PTPRT: variants seen among roughly 807,000 people sequenced by gnomAD.
The protein encoded by PTPRT is protein tyrosine phosphatase receptor type T, also known as receptor-type tyrosine-protein phosphatase T.
Under a neutral mutation model 176.8 loss-of-function variants are expected in PTPRT, and 56 were observed. The observed-to-expected ratio is 0.32, with a 90% CI of 0.26 to 0.40. PTPRT has a LOEUF of 0.40. PTPRT is among the 10% of genes least tolerant of loss of function. PTPRT has a pLI of 1.00. For missense variants in PTPRT, 1,540 were observed against 1,908.2 expected (o/e 0.81, Z 3.60); for synonymous variants, 783 against 739.0 (o/e 1.06, Z -0.96).
chr20:43,125,289 C>T (rs891689131), intron 1 of PTPRT, among the ~76,000 whole-genome samples: 1 of 152,022 alleles, frequency 6.6e-6, no homozygotes, highest in Non-Finnish European at 1.5e-5. Flanking sequence ...TGTCAGCCAC[C>T]GTGCTGGGCC....
chr20:42,638,280 T>C (rs987548397), intron 7 of PTPRT, among the ~76,000 whole-genome samples: 2 of 152,126 alleles, frequency 1.3e-5, no homozygotes, highest in African/African-American at 4.8e-5. Flanking sequence ...TGGGATAGAC[T>C]GGGAAGCTTA....
intron 15 of PTPRT, among the ~76,000 whole-genome samples, chr20:42,223,007 T>C (rs1483234067): frequency 1.3e-5 from 2 of 152,118 alleles, no homozygotes; most frequent in Non-Finnish European, 2.9e-5. Context: ...CCAGCTGGTG[T>C]CCGCTGCTTG....
chr20:42,467,429 G>A (rs113292670), intron 8 of PTPRT, among the ~76,000 whole-genome samples: 13 of 152,056 alleles, frequency 8.5e-5, no homozygotes, highest in African/African-American at 2.4e-4. Context: ...AATATACATC[G>A]CCAACATAAT....
intron 1 of PTPRT, among the ~76,000 whole-genome samples, chr20:42,929,060 G>C (rs528144956): frequency 2.8e-4 from 43 of 152,354 alleles, no homozygotes; most frequent in African/African-American, 7.7e-4. Context: ...AGCAGAGCAG[G>C]TACTGCAGGT....
intron 9 of PTPRT, among the ~76,000 whole-genome samples, chr20:42,398,179 A>G (rs140042303): frequency 6.6e-6 from 1 of 152,354 alleles, no homozygotes; most frequent in African/African-American, 2.4e-5. Context: ...CATACATGAG[A>G]GGATCATTCC....
chr20:43,003,672 G>A (rs1421520637), intron 1 of PTPRT, among the ~76,000 whole-genome samples: 2 of 152,132 alleles, frequency 1.3e-5, no homozygotes, highest in Non-Finnish European at 2.9e-5. Context: ...TTGTTTTTAT[G>A]GTTTCCTGAT....
At chr20:42,342,023 A>G (rs1419601314) in intron 11 of PTPRT, among the ~76,000 whole-genome samples, 1 of 152,218 alleles carries the variant, frequency 6.6e-6, no homozygotes, top group African/African-American at 2.4e-5. Flanking sequence ...AAATGCAGTC[A>G]GGGTAAAAGC....
At chr20:42,922,890 T>C (rs1231081170) in intron 1 of PTPRT, among the ~76,000 whole-genome samples, 1 of 152,114 alleles carries the variant, frequency 6.6e-6, no homozygotes, top group Non-Finnish European at 1.5e-5. Flanking sequence ...CCCTTGGAAA[T>C]GGAGTTCAAG....
chr20:42,034,821 G>A, the PTPRT span, among the ~76,000 whole-genome samples: 4 of 152,148 alleles, frequency 2.6e-5, no homozygotes, highest in South Asian at 8.3e-4. Context: ...CATCTGGTTT[G>A]CTTCTACTCA....
chr20:42,474,513 C>A (rs545065172), intron 7 of PTPRT, among the ~76,000 whole-genome samples: 1 of 152,192 alleles, frequency 6.6e-6, no homozygotes, highest in Non-Finnish European at 1.5e-5. Flanking sequence ...CTCTTACAGC[C>A]CAATTATTCA....
chr20:42,499,494 G>A (rs1329027305), intron 7 of PTPRT, among the ~76,000 whole-genome samples: 1 of 151,990 alleles, frequency 6.6e-6, no homozygotes, highest in Non-Finnish European at 1.5e-5. Context: ...GTTTCACCAT[G>A]TTGGCCAGGC....
intron 1 of PTPRT, among the ~76,000 whole-genome samples, chr20:43,156,860 T>G (rs1223503884): frequency 6.6e-5 from 10 of 152,194 alleles, no homozygotes; most frequent in Admixed American, 6.5e-4. Flanking sequence ...GAGAGCTCTT[T>G]GTTGAACATT....
At chr20:42,741,294 T>A (rs1033560415) in intron 6 of PTPRT, among the ~76,000 whole-genome samples, 2 of 152,226 alleles carry the variant, frequency 1.3e-5, no homozygotes, top group East Asian at 3.9e-4. Context: ...ATGCCTGGCA[T>A]GAGCCCTTTT....
intron 13 of PTPRT, among the ~76,000 whole-genome samples, chr20:42,270,811 G>C (rs1442861710): frequency 6.6e-6 from 1 of 152,038 alleles, no homozygotes; most frequent in African/African-American, 2.4e-5. Flanking sequence ...TTCCCTTTCT[G>C]CATAAATGGT....
rs1197212495 is a variant in PTPRT, at chr20:42,330,670, G to A, written c.1866-14674C>T. 2.6e-5 allele frequency among the ~76,000 whole-genome samples: 4 copies of A among 152,026 alleles called. No homozygotes were observed. In the East Asian group the frequency reaches 5.8e-4, roughly 22 times the overall value. Reference sequence around the variant, plus strand: ...TGATGCTGCAGTGAGCTATGATCACGCCACTGCTCTCCAGCCTGGGCAACA... The same window carrying A: ...TGATGCTGCAGTGAGCTATGATCACACCACTGCTCTCCAGCCTGGGCAACA... On this transcript the variant is annotated intron_variant, in intron 11 of 30. Transcript: ENST00000373187.
chr20:43,173,139 C>T (rs1193073738), intron 1 of PTPRT, among the ~76,000 whole-genome samples: 1 of 152,120 alleles, frequency 6.6e-6, no homozygotes, highest in African/African-American at 2.4e-5. Context: ...GCACTCTTCA[C>T]CACCACATGG....
the PTPRT span, among the ~76,000 whole-genome samples, chr20:42,067,727 G>A: frequency 6.6e-6 from 1 of 152,112 alleles, no homozygotes; most frequent in Non-Finnish European, 1.5e-5. Flanking sequence ...TTTACATCAA[G>A]TCCATTTTTT....
At chr20:42,642,684 A>G (rs561334366) in intron 7 of PTPRT, among the ~76,000 whole-genome samples, 1 of 152,306 alleles carries the variant, frequency 6.6e-6, no homozygotes, top group South Asian at 2.1e-4. Flanking sequence ...ATAATTCCCA[A>G]GGAAGAATAA....
intron 24 of PTPRT, among the ~76,000 whole-genome samples, chr20:42,105,696 G>C (rs902568746): frequency 1.3e-5 from 2 of 152,208 alleles, no homozygotes; most frequent in African/African-American, 4.8e-5. Context: ...CCTAGGAATA[G>C]ATAAAGCAGC....
Sources: allele counts gnomAD v4.1 joint callset (sites outside exome capture counted in the v4.1 genomes callset), GRCh38; gene constraint gnomAD v4.1.1; transcripts MANE v1.5; gene names NCBI Gene and HGNC (gene_info 2026-07-23, HGNC 2026-07-21).